SEM1: variants seen among roughly 807,000 people sequenced by gnomAD.
SEM1 encodes 26S proteasome complex subunit SEM1.
A neutral mutation model predicts 12.7 loss-of-function variants in SEM1; 3 were observed. That is an observed-to-expected ratio of 0.24 (90% CI 0.11 to 0.61). The LOEUF is 0.61. Ranked by LOEUF, SEM1 falls within the 20% of genes least tolerant of loss-of-function variation. The pLI is 0.88. For synonymous variants in SEM1, 30 were observed against 27.8 expected, an observed-to-expected ratio of 1.08 and a Z score of -0.25; for missense variants, 59 against 81.3, an observed-to-expected ratio of 0.73 and a Z score of 1.06.
intron 2 of SEM1, among the ~76,000 whole-genome samples, chr7:96,600,950 ATT>A (rs1299023443): frequency 6.6e-6 from 1 of 152,092 alleles, no homozygotes; most frequent in African/African-American, 2.4e-5. Context: ...TTGGTATACT[ATT>A]TGCTTTTGAA....
intron 2 of SEM1, among the ~76,000 whole-genome samples, chr7:96,565,342 C>T (rs773250932): frequency 6.6e-6 from 1 of 151,810 alleles, no homozygotes; most frequent in Non-Finnish European, 1.5e-5. Flanking sequence ...ATAACCTTTA[C>T]TTGTAGGTTG....
chr7:96,485,480 T>A (rs1234361256), intron 2 of SEM1, among the ~76,000 whole-genome samples: 1 of 151,690 alleles, frequency 6.6e-6, no homozygotes, highest in Non-Finnish European at 1.5e-5. Context: ...TAAAGGCCCT[T>A]GTGATTGCTT....
chr7:96,690,704 TA>T (rs1000500893), intron 2 of SEM1, among the ~76,000 whole-genome samples: 3 of 152,210 alleles, frequency 2.0e-5, no homozygotes. Context: ...GTCCTCTTAC[TA>T]TCCAAGAAAC....
intron 3 of SEM1, among the ~76,000 whole-genome samples, chr7:96,503,241 C>G (rs1023848828): frequency 6.6e-6 from 1 of 152,104 alleles, no homozygotes; most frequent in African/African-American, 2.4e-5. Flanking sequence ...ACCTATCAAT[C>G]TATATGCTGT....
chr7:96,695,028 C>G, intron 1 of SEM1, 137 bp from the exon 2 acceptor site: 1 of 582,864 alleles, frequency 1.7e-6, no homozygotes. Flanking sequence ...TGGTATCTTC[C>G]TTAAATCTGA....
intron 2 of SEM1, chr7:96,664,442 T>C (rs1789111482): frequency 6.6e-6 from 1 of 152,276 alleles, no homozygotes; most frequent in Non-Finnish European, 1.5e-5. Flanking sequence ...CTCCTCCATC[T>C]TCAAAGACAG....
Position 96,691,368 on chromosome 7 carries a change from T to C in SEM1, c.171-2402A>G, listed in dbSNP as rs1014816657. 6.9e-4 allele frequency among the ~76,000 whole-genome samples: 105 copies of C among 152,270 alleles called. 1 individual carries two copies. The highest frequency in any genetic ancestry group is 3.5e-4 in the Non-Finnish European group (24 of 68,030). On this transcript the variant is annotated intron_variant, in intron 2 of 2. Coordinates refer to ENST00000248566, the MANE Select transcript of SEM1 (RefSeq NM_006304.2). Reference sequence around the variant, plus strand: ...CACATGTTAAATCACTTAAACGTTATAATAACTCTAGCAGTAAAGCACTAA... The same window carrying C: ...CACATGTTAAATCACTTAAACGTTACAATAACTCTAGCAGTAAAGCACTAA...
chr7:96,705,439 C>G (rs1271433617), intron 1 of SEM1, among the ~76,000 whole-genome samples: 1 of 151,566 alleles, frequency 6.6e-6, no homozygotes, highest in Non-Finnish European at 1.5e-5. Flanking sequence ...TCTCTTCCCT[C>G]TTTTACTCGA....
intron 2 of SEM1, among the ~76,000 whole-genome samples, chr7:96,661,468 A>G (rs2116520667): frequency 6.6e-6 from 1 of 152,348 alleles, no homozygotes; most frequent in South Asian, 2.1e-4. Context: ...TTCAATAAAA[A>G]TAAGACAATA....
intron 1 of SEM1, among the ~76,000 whole-genome samples, chr7:96,706,685 A>G (rs1790477588): frequency 6.6e-6 from 1 of 152,074 alleles, no homozygotes; most frequent in African/African-American, 2.4e-5. Flanking sequence ...GATGGGATGT[A>G]GCAACGCCAC....
At chr7:96,646,911 C>T (rs1444878954) in intron 2 of SEM1, among the ~76,000 whole-genome samples, 2 of 152,190 alleles carry the variant, frequency 1.3e-5, no homozygotes, top group Non-Finnish European at 2.9e-5. Context: ...CTAGGTCAAT[C>T]CTCCAGCCTT....
intron 2 of SEM1, among the ~76,000 whole-genome samples, chr7:96,510,565 A>G (rs1803906427): frequency 6.6e-6 from 1 of 152,174 alleles, no homozygotes; most frequent in Non-Finnish European, 1.5e-5. Context: ...GTTATGTAAC[A>G]CATGACTGTA....
intron 2 of SEM1, among the ~76,000 whole-genome samples, chr7:96,536,549 T>G (rs1052092976): frequency 2.0e-5 from 3 of 151,838 alleles, no homozygotes; most frequent in East Asian, 3.9e-4. Context: ...ATTTGTCTAT[T>G]TCTCCTTGCA....
At chr7:96,500,656 A>T (rs1341543645), upstream of SEM1, among the ~76,000 whole-genome samples, 1 of 152,176 alleles carries the variant, frequency 6.6e-6, no homozygotes, top group Non-Finnish European at 1.5e-5. Context: ...AAGGGATTTG[A>T]GGTCTTCACC....
intron 2 of SEM1, among the ~76,000 whole-genome samples, chr7:96,520,205 G>A (rs967720323): frequency 3.3e-5 from 5 of 152,092 alleles, no homozygotes; most frequent in African/African-American, 1.2e-4. Context: ...GTGTTATTTT[G>A]CAATGAGATA....
At chr7:96,690,598 T>C (rs1434637125) in intron 2 of SEM1, among the ~76,000 whole-genome samples, 1 of 152,100 alleles carries the variant, frequency 6.6e-6, no homozygotes, top group Non-Finnish European at 1.5e-5. Context: ...TCATACGACA[T>C]ACACAGTGAA....
intron 2 of SEM1, among the ~76,000 whole-genome samples, chr7:96,650,865 T>C (rs1262581642): frequency 6.6e-6 from 1 of 152,208 alleles, no homozygotes; most frequent in Non-Finnish European, 1.5e-5. Flanking sequence ...TTCCCAGAGC[T>C]AGTCTGGTTT....
intron 2 of SEM1, among the ~76,000 whole-genome samples, chr7:96,563,337 T>A (rs1805747093): frequency 6.6e-6 from 1 of 151,864 alleles, no homozygotes; most frequent in Non-Finnish European, 1.5e-5. Context: ...TGGGGAGGGA[T>A]GTGCTGGAGG....
intron 2 of SEM1, among the ~76,000 whole-genome samples, chr7:96,514,884 A>G (rs1804041701): frequency 6.6e-6 from 1 of 152,158 alleles, no homozygotes; most frequent in Non-Finnish European, 1.5e-5. Context: ...AATCCCAGCA[A>G]GTTATTTTGT....
Sources: gnomAD v4.1 joint callset for allele counts (sites outside exome capture counted in the v4.1 genomes callset) on GRCh38, gnomAD v4.1.1 for gene constraint, MANE v1.5 for transcripts, NCBI Gene and HGNC (gene_info 2026-07-23, HGNC 2026-07-21) for gene names.